Variants in MACROH2A1 observed in about 807,000 individuals in gnomAD.
The protein encoded by MACROH2A1 is core histone macro-H2A.1.
MACROH2A1 carries 2 observed loss-of-function variants against 31.6 expected under a neutral mutation model. That is an observed-to-expected ratio of 0.06 (90% CI 0.03 to 0.20). The LOEUF is 0.20. MACROH2A1 is among the 10% of genes least tolerant of loss of function. The pLI, the probability that MACROH2A1 is intolerant of heterozygous loss-of-function variation, is 1.00. For missense variants in MACROH2A1, 230 were observed against 474.0 expected (o/e 0.49, Z 4.78); for synonymous variants, 169 against 189.6 (o/e 0.89, Z 0.89).
At chr5:135,355,550 A>T (rs2149786937) in intron 5 of MACROH2A1, 1 of 239,022 alleles carries the variant, frequency 4.2e-6, no homozygotes, top group African/African-American at 2.3e-5. Context: ...ATTTTTAAAC[A>T]ATCTTGACTA....
chr5:135,354,335 A>C (rs1761925452), intron 5 of MACROH2A1: 1 of 152,250 alleles, frequency 6.6e-6, no homozygotes, highest in African/African-American at 2.4e-5. Flanking sequence ...TGATTCCCAG[A>C]AACAGTCAGA....
At chr5:135,347,525 C>A (rs1761004897) in intron 6 of MACROH2A1, 1 of 152,364 alleles carries the variant, frequency 6.6e-6, no homozygotes, top group Admixed American at 6.5e-5. Flanking sequence ...GAAAGCAGCA[C>A]AGGCTTTAAA....
Position 135,399,187 on chromosome 5 carries a change from C to A in MACROH2A1, c.-159G>T. On this transcript the variant is annotated 5_prime_UTR_variant, in exon 1 of 9. Transcript: ENST00000511689. The surrounding 1 kb of genome is among the most constrained non-coding windows in gnomAD (Gnocchi z 4.5). ...GCCTCTTCGCTTCCCGCCCGCGCGG[C>A]CCGCGCTCTCCCCCTCCGCCCGGCG... is the stretch of plus-strand genomic sequence containing the variant. 6.5e-6 allele frequency: 1 copy of A among 153,074 alleles called. No homozygotes were observed. Among genetic ancestry groups the A allele is most frequent in the Non-Finnish European group, 1.5e-5 (1 of 68,820 alleles). The allele number at this position is 153,074 out of a possible 1,614,324, so 9.5% of individuals were successfully genotyped here. A position where few individuals can be genotyped will look rare whatever the true frequency, so the allele number is the denominator to read the frequency against.
chr5:135,380,348 G>T (rs1323745488), intron 2 of MACROH2A1, among the ~76,000 whole-genome samples: 1 of 152,170 alleles, frequency 6.6e-6, no homozygotes, highest in South Asian at 2.1e-4. Flanking sequence ...CCAGCACCCC[G>T]CTTGGGACTT....
At chr5:135,364,998 T>C (rs894007454) in intron 4 of MACROH2A1, among the ~76,000 whole-genome samples, 5 of 152,138 alleles carry the variant, frequency 3.3e-5, no homozygotes, top group Non-Finnish European at 7.3e-5. Context: ...GGTTTGTTGA[T>C]GGTTTGTGTT....
intron 2 of MACROH2A1, among the ~76,000 whole-genome samples, chr5:135,374,456 C>T (rs1231863125): frequency 1.3e-5 from 2 of 152,196 alleles, no homozygotes; most frequent in African/African-American, 4.8e-5. Flanking sequence ...CATGGAGGCC[C>T]CAGGCTCAGG....
chr5:135,389,081 C>T lies in MACROH2A1; in HGVS notation c.13G>A (p.Gly5Ser), dbSNP rs769661746. 1.5e-5 allele frequency: 25 copies of T among 1,613,156 alleles called. No homozygotes were observed. The highest frequency in any genetic ancestry group is 2.2e-5 in the East Asian group (1 of 44,850). The change falls in exon 2 of 9, where the codon GGT becomes AGT. Residue 5 changes from glycine (G) to serine (S), a missense_variant. Physicochemically the swap from Gly to Ser is moderately conservative, Grantham distance 56. This residue lies in a region of MACROH2A1 where 47 missense variants were observed against 154.7 expected (regional missense o/e 0.30). Transcript: ENST00000511689. MSSR[G>S]GKKKSTKTSR... ...GTCTTGGTGGACTTCTTCTTCCCAC[C>T]GCGGCTCGACATGGCGGTGGCCCTG...
chr5:135,383,625 AG>A (rs2149924927), intron 2 of MACROH2A1, among the ~76,000 whole-genome samples: 1 of 152,216 alleles, frequency 6.6e-6, no homozygotes, highest in Admixed American at 6.5e-5. Flanking sequence ...TTAAGAATTC[AG>A]ATAAAATTCT....
chr5:135,359,360 G>C (rs1468113669), intron 5 of MACROH2A1: 13 of 984,680 alleles, frequency 1.3e-5, no homozygotes, highest in South Asian at 4.7e-5. Context: ...CTTCACTGCT[G>C]AGTCGAAATT....
intron 5 of MACROH2A1, chr5:135,357,785 A>G (rs1762357531): frequency 7.1e-6 from 7 of 983,572 alleles, no homozygotes; most frequent in Non-Finnish European, 8.5e-6. Flanking sequence ...CATTGGGCAA[A>G]ATCAGAGAGT....
chr5:135,376,831 TA>T (rs1182746657), intron 2 of MACROH2A1, among the ~76,000 whole-genome samples: 3 of 152,188 alleles, frequency 2.0e-5, no homozygotes, highest in Non-Finnish European at 4.4e-5. Flanking sequence ...ACTGCACTGT[TA>T]AAAAAGTGCG....
chr5:135,389,088 C>A lies in MACROH2A1; in HGVS notation c.6G>T (p.Ser2=). 6.2e-7 allele frequency: 1 copy of A among 1,612,782 alleles called. No individual in the cohort carries two copies. The highest frequency in any genetic ancestry group is 8.5e-7 in the Non-Finnish European group (1 of 1,178,964). The change falls in exon 2 of 9, where the codon TCG becomes TCT. Residue 2 remains serine (S), a synonymous_variant. Transcript: ENST00000511689. ...TGGACTTCTTCTTCCCACCGCGGCT[C>A]GACATGGCGGTGGCCCTGGAGGCGG... M[S]SRGGKKKSTK...
In MACROH2A1 at chr5:135,352,864, C is replaced by T. The variant is rs1761746053; in HGVS notation, c.688+82G>A. On this transcript the variant is annotated intron_variant, in intron 6 of 8. Coordinates refer to ENST00000511689, the MANE Select transcript of MACROH2A1 (RefSeq NM_138610.3). Reference sequence around the variant, plus strand: ...AAATTTGGCTTGACCACTGTAAAGTCTGGGAAGATGAAATGCCTAAATTCT... The same window carrying T: ...AAATTTGGCTTGACCACTGTAAAGTTTGGGAAGATGAAATGCCTAAATTCT... 4.9e-6 allele frequency: 4 copies of T among 822,372 alleles called. No homozygotes were observed. The East Asian group carries it at 9.8e-5, about 20-fold the overall frequency. 50.9% of individuals were successfully genotyped at this position (822,372 alleles called of 1,614,324 possible). A position where few individuals can be genotyped will look rare whatever the true frequency, so the allele number is the denominator to read the frequency against.
chr5:135,363,771 G>C (rs1182958079), intron 4 of MACROH2A1, among the ~76,000 whole-genome samples: 1 of 152,164 alleles, frequency 6.6e-6, no homozygotes, highest in Non-Finnish European at 1.5e-5. Context: ...CACAATGGTT[G>C]AACTAGTTTA....
chr5:135,361,783 A>G (rs1762879384), intron 4 of MACROH2A1: 1 of 152,216 alleles, frequency 6.6e-6, no homozygotes, highest in African/African-American at 2.4e-5. Context: ...GAGCATATTA[A>G]CATTTTTTAC....
At position 135,369,335 on chromosome 5, in the gene MACROH2A1, G is replaced by T; in HGVS notation, c.477+71C>A. 4 of 1,230,226 alleles carry T rather than the reference G, an allele frequency of 3.3e-6. No individual in the cohort carries two copies. In the South Asian group the frequency reaches 4.9e-5, roughly 15 times the overall value. 76.2% of individuals were successfully genotyped at this position (1,230,226 alleles called of 1,614,324 possible). On this transcript the variant is annotated intron_variant, in intron 4 of 8. Transcript: ENST00000511689. The surrounding 1 kb of genome is among the most constrained non-coding windows in gnomAD (Gnocchi z 4.3). ...ATGAGCCCACAGGGGGAATGAGGGGGGTGCCCTGGTAACCCTGTTTATCCG... is the reference window on the plus strand; with the variant it reads ...ATGAGCCCACAGGGGGAATGAGGGGTGTGCCCTGGTAACCCTGTTTATCCG...
chr5:135,386,866 C>T (rs748692651), intron 2 of MACROH2A1, among the ~76,000 whole-genome samples: 2 of 152,242 alleles, frequency 1.3e-5, no homozygotes, highest in East Asian at 3.8e-4. Context: ...TTGTACTTGA[C>T]CTAATGATGG....
intron 6 of MACROH2A1, among the ~76,000 whole-genome samples, chr5:135,349,681 C>G (rs1219435338): frequency 1.3e-5 from 2 of 152,170 alleles, no homozygotes; most frequent in African/African-American, 4.8e-5. Context: ...ACTTCACTGT[C>G]TGCTGACTGG....
intron 2 of MACROH2A1, among the ~76,000 whole-genome samples, chr5:135,375,409 T>A (rs1764728862): frequency 6.6e-6 from 1 of 152,244 alleles, no homozygotes; most frequent in Non-Finnish European, 1.5e-5. Flanking sequence ...TGAACATGAA[T>A]ACCTTTGACA....
Sources: allele counts gnomAD v4.1 joint callset (sites outside exome capture counted in the v4.1 genomes callset), GRCh38; gene constraint gnomAD v4.1.1; regional missense constraint gnomAD v4.1.1; non-coding constraint Gnocchi (gnomAD v3.1); transcripts MANE v1.5; gene names NCBI Gene and HGNC (gene_info 2026-07-23, HGNC 2026-07-21).